Variants in TRRAP observed in about 807,000 individuals in gnomAD.
TRRAP encodes transformation/transcription domain associated protein, also known as transformation/transcription domain-associated protein.
In TRRAP, 41 loss-of-function variants were observed where a neutral mutation model predicts 438.8. That is an observed-to-expected ratio of 0.09 (90% confidence interval 0.07 to 0.12). The LOEUF is 0.12. TRRAP is among the 10% of genes least tolerant of loss of function. The pLI is 1.00. For missense variants in TRRAP, 3,122 were observed against 5,055.1 expected, an observed-to-expected ratio of 0.62 and a Z score of 11.60; for synonymous variants, 1,994 against 1,962.9, an observed-to-expected ratio of 1.02 and a Z score of -0.42.
chr7:98,911,325 C>T (rs1554408686), intron 17 of TRRAP, 54 bp downstream of exon 17: 14 of 1,447,518 alleles, frequency 9.7e-6, no homozygotes, highest in Non-Finnish European at 1.3e-5. Flanking sequence ...TTGTTTATGT[C>T]TTAAATACTT....
chr7:98,911,376 G>A (rs1789258892), intron 17 of TRRAP, 105 bp downstream of exon 17: 1 of 1,174,334 alleles, frequency 8.5e-7, no homozygotes. Flanking sequence ...TGTAGCCAAG[G>A]ATGTGCTTAT....
At chr7:98,958,427 G>T (rs189732057) in intron 44 of TRRAP, among the ~76,000 whole-genome samples, 1 of 152,178 alleles carries the variant, frequency 6.6e-6, no homozygotes, top group East Asian at 1.9e-4. Flanking sequence ...AGCCTCCTGA[G>T]TTGCTGGGAT....
At chr7:98,928,254 C>CA (rs370021197) in intron 23 of TRRAP, among the ~76,000 whole-genome samples, 13 of 151,646 alleles carry the variant, frequency 8.6e-5, no homozygotes, top group Non-Finnish European at 1.3e-4. Flanking sequence ...AAAAAAAAGA[C>CA]AAAAAAAATG....
chr7:98,967,720 C>G, intron 51 of TRRAP, 22 bp downstream of exon 51: 1 of 1,603,160 alleles, frequency 6.2e-7, no homozygotes, highest in Non-Finnish European at 8.5e-7. Context: ...CGGCTCACAT[C>G]TGTGGCCGGG....
chr7:98,924,084 T>C (rs1789926143), intron 21 of TRRAP, among the ~76,000 whole-genome samples: 1 of 152,266 alleles, frequency 6.6e-6, no homozygotes, highest in South Asian at 2.1e-4. Flanking sequence ...GAAAGTCTGC[T>C]TTGCAGAAAG....
At chr7:98,902,425 A>G (rs548841867) in intron 11 of TRRAP, among the ~76,000 whole-genome samples, 18 of 152,350 alleles carry the variant, frequency 1.2e-4, no homozygotes, top group African/African-American at 4.1e-4. Context: ...ATCTATATCA[A>G]TGGAATTGGA....
At chr7:98,957,742 C>T (rs1554420188) in intron 43 of TRRAP, among the ~76,000 whole-genome samples, 1 of 152,202 alleles carries the variant, frequency 6.6e-6, no homozygotes, top group African/African-American at 2.4e-5. Flanking sequence ...CGTCTTGGGC[C>T]TCGCACTTTT....
At chr7:98,962,617 A>C (rs951476138) in intron 47 of TRRAP, among the ~76,000 whole-genome samples, 190 bp downstream of exon 47, 1 of 152,144 alleles carries the variant, frequency 6.6e-6, no homozygotes, top group African/African-American at 2.4e-5. Context: ...CCCTTCGCCG[A>C]TGCTTGCTCT....
At position 98,976,840 on chromosome 7, in the gene TRRAP, CT is replaced by C. The variant is rs1260519268; in HGVS notation, c.8247+71del. 2 of 1,599,152 alleles carry C rather than the reference CT, an allele frequency of 1.3e-6. No homozygotes were observed. Among genetic ancestry groups the C allele is most frequent in the African/African-American group, 2.7e-5 (2 of 74,530 alleles). On this transcript the variant is annotated intron_variant, in intron 55 of 72. Coordinates refer to ENST00000456197, the MANE Select transcript of TRRAP (RefSeq NM_001375524.1). The surrounding 1 kb of genome is among the most constrained non-coding windows in gnomAD (Gnocchi z 4.6). The stretch of plus-strand genomic sequence containing the variant: ...GACTTCACACTTTAAATAAATACTC[CT>C]CCCAAATGATTTCAAATGACAGCAC...
In TRRAP at chr7:98,931,800, C is replaced by T. The variant is rs138943376; in HGVS notation, c.3852+135C>T. The T allele has an allele frequency of 7.0e-3, 8,340 of 1,187,688 alleles. 58 individuals carry two copies. Among genetic ancestry groups the T allele is most frequent in the South Asian group, 0.011 (656 of 61,886 alleles). The allele number at this position is 1,187,688 out of a possible 1,614,324, so 73.6% of individuals were successfully genotyped here. On this transcript the variant is annotated intron_variant, in intron 26 of 72. Coordinates refer to ENST00000456197, the MANE Select transcript of TRRAP (RefSeq NM_001375524.1). ...GTGGGGCCTTGGTTCCAGGACCCTG[C>T]GTGGGTACCAAAATCTGGGATGCTC...
chr7:98,960,761 G>GTT (rs1791854304), intron 45 of TRRAP, among the ~76,000 whole-genome samples: 1 of 15,588 alleles, frequency 6.4e-5, no homozygotes, highest in Non-Finnish European at 1.6e-3. Context: ...CTGGCTTTTT[G>GTT]TGTGTGTGTG....
intron 45 of TRRAP, among the ~76,000 whole-genome samples, chr7:98,960,452 A>G (rs963485593): frequency 5.9e-5 from 9 of 152,188 alleles, no homozygotes; most frequent in African/African-American, 1.9e-4. Flanking sequence ...GACCTCTGCT[A>G]TGAACCACGA....
At chr7:98,936,242 C>G (rs1037010750) in intron 28 of TRRAP, among the ~76,000 whole-genome samples, 4 of 152,162 alleles carry the variant, frequency 2.6e-5, no homozygotes, top group Non-Finnish European at 5.9e-5. Context: ...TTTTTATGCT[C>G]TTAATAACAT....
At chr7:98,938,436 C>T (rs564072506) in intron 30 of TRRAP, among the ~76,000 whole-genome samples, 9 of 152,298 alleles carry the variant, frequency 5.9e-5, no homozygotes, top group Non-Finnish European at 1.3e-4. Context: ...CCCTGTCCTC[C>T]AGCTACCCAG....
At chr7:98,945,617 T>G in intron 31 of TRRAP, 130 bp from the exon 32 acceptor site, 1 of 1,028,938 alleles carries the variant, frequency 9.7e-7, no homozygotes, top group Non-Finnish European at 1.4e-6. Flanking sequence ...TTAATTACTG[T>G]GTGCTTTCTG....
At chr7:98,939,294 T>TATGTAGAGAGA (rs1790689759) in intron 30 of TRRAP, among the ~76,000 whole-genome samples, 2 of 152,188 alleles carry the variant, frequency 1.3e-5, no homozygotes, top group Non-Finnish European at 2.9e-5. Flanking sequence ...GAGATTGCAT[T>TATGTAGAGAGA]ATGTAGAGAG....
At chr7:98,898,858 T>G (rs1796343509) in intron 8 of TRRAP, among the ~76,000 whole-genome samples, 1 of 152,208 alleles carries the variant, frequency 6.6e-6, no homozygotes, top group Non-Finnish European at 1.5e-5. Flanking sequence ...GGACATAGTT[T>G]CCTGAACTTT....
intron 18 of TRRAP, among the ~76,000 whole-genome samples, chr7:98,913,644 A>T (rs892786838): frequency 6.6e-6 from 1 of 152,178 alleles, no homozygotes; most frequent in Non-Finnish European, 1.5e-5. Flanking sequence ...TGTAAATGAC[A>T]CATTTCAGGA....
intron 67 of TRRAP, among the ~76,000 whole-genome samples, chr7:98,996,043 G>A (rs1584405044): frequency 5.2e-5 from 3 of 58,246 alleles, no homozygotes; most frequent in East Asian, 5.2e-4. Flanking sequence ...ACACTCCCCC[G>A]TCTAGTCCAC....
Sources: gnomAD v4.1 joint callset for allele counts (sites outside exome capture counted in the v4.1 genomes callset) on GRCh38, gnomAD v4.1.1 for gene constraint, Gnocchi (gnomAD v3.1) non-coding constraint, MANE v1.5 for transcripts, NCBI Gene and HGNC (gene_info 2026-07-23, HGNC 2026-07-21) for gene names.